Variants in LOXL2 observed in about 807,000 individuals in gnomAD.
LOXL2 encodes lysyl oxidase homolog 2.
A neutral mutation model predicts 93.0 loss-of-function variants in LOXL2; 70 were observed. That is an observed-to-expected ratio of 0.75 (90% CI 0.62 to 0.92). LOXL2 has a LOEUF of 0.92. LOXL2 is among the 40% of genes least tolerant of loss of function. LOXL2 has a pLI of 0.00. For missense variants in LOXL2, 973 were observed against 1,054.9 expected, an observed-to-expected ratio of 0.92 and a Z score of 1.08; for synonymous variants, 438 against 413.2, an observed-to-expected ratio of 1.06 and a Z score of -0.73.
chr8:23,314,665 G>A (rs1803366118), intron 9 of LOXL2, among the ~76,000 whole-genome samples: 1 of 151,614 alleles, frequency 6.6e-6, no homozygotes, highest in Non-Finnish European at 1.5e-5. Context: ...AGAGGGGAGG[G>A]ATAGCACTGG....
At chr8:23,309,045 C>T (rs930320444) in intron 10 of LOXL2, among the ~76,000 whole-genome samples, 1 of 149,572 alleles carries the variant, frequency 6.7e-6, no homozygotes, top group Non-Finnish European at 1.5e-5. Context: ...AGTGTGGTGG[C>T]GTGATCTCAG....
At chr8:23,388,620 T>TACAC (rs1804797420) in intron 1 of LOXL2, among the ~76,000 whole-genome samples, 1 of 70,688 alleles carries the variant, frequency 1.4e-5, no homozygotes, top group African/African-American at 6.0e-5. Flanking sequence ...GCAAAAAATA[T>TACAC]ACTCACACAC....
In LOXL2 at chr8:23,340,993, T is replaced by G; in HGVS notation, c.742A>C (p.Lys248Gln). 6.2e-7 allele frequency: 1 copy of G among 1,613,804 alleles called. No individual in the cohort carries two copies. The highest frequency in any genetic ancestry group is 1.3e-5 in the African/African-American group (1 of 75,032). Residue 248 changes from lysine (K) to glutamine (Q), a missense_variant and splice_region_variant, in exon 4 of 14, where the codon AAA becomes CAA. Coordinates refer to ENST00000389131, the MANE Select transcript of LOXL2 (RefSeq NM_002318.3). ...ACCCCTTTGGTGCAGTCCTCTTACT[T>G]GTACACTTTGGTATTGTATGTCCTC... is the stretch of plus-strand genomic sequence containing the variant. ...GERTYNTKVYKMFASRRKQRY... is the reference protein window; with the variant it reads ...GERTYNTKVYQMFASRRKQRY...
rs1022180303 is a variant in LOXL2, at chr8:23,327,447, C to A, written c.1150+935G>T. 3.3e-5 allele frequency among the ~76,000 whole-genome samples: 5 copies of A among 152,166 alleles called. 1 individual carries two copies. The highest frequency in any genetic ancestry group is 4.1e-4 in the South Asian group (2 of 4,820). On this transcript the variant is annotated intron_variant, in intron 6 of 13. Coordinates refer to ENST00000389131, the MANE Select transcript of LOXL2 (RefSeq NM_002318.3). Reference sequence around the variant, plus strand: ...CCAACATCTGACACTATGGAAATATCCCCTCCCCACTGGACAGGCCACCCC... The same window carrying A: ...CCAACATCTGACACTATGGAAATATACCCTCCCCACTGGACAGGCCACCCC...
At chr8:23,330,064 G>A (rs1450395150) in intron 5 of LOXL2, among the ~76,000 whole-genome samples, 14 of 152,182 alleles carry the variant, frequency 9.2e-5, no homozygotes, top group African/African-American at 3.1e-4. Flanking sequence ...GGTGGCTCAC[G>A]CCTGTAATCC....
intron 2 of LOXL2, among the ~76,000 whole-genome samples, chr8:23,360,824 C>CA (rs1804277021): frequency 6.6e-6 from 1 of 152,150 alleles, no homozygotes; most frequent in Admixed American, 6.5e-5. Flanking sequence ...CCATCCATAG[C>CA]AGAGGCTGAA....
chr8:23,337,557 C>T (rs1803813240), intron 4 of LOXL2: 1 of 152,206 alleles, frequency 6.6e-6, no homozygotes, highest in Non-Finnish European at 1.5e-5. Context: ...CACTGTGGGC[C>T]ACACTTTGGT....
At chr8:23,386,935 C>T (rs1804773911) in intron 1 of LOXL2, among the ~76,000 whole-genome samples, 1 of 152,172 alleles carries the variant, frequency 6.6e-6, no homozygotes, top group Non-Finnish European at 1.5e-5. Flanking sequence ...AGGCATAAGT[C>T]AAGGTGAGAG....
chr8:23,302,282 G>T, intron 11 of LOXL2, 119 bp from the exon 12 acceptor site: 1 of 1,205,396 alleles, frequency 8.3e-7, no homozygotes, highest in Non-Finnish European at 1.2e-6. Context: ...CCACCCCACT[G>T]TGTGGGCTGC....
intron 8 of LOXL2, among the ~76,000 whole-genome samples, chr8:23,317,809 G>A (rs1307391969): frequency 1.3e-5 from 2 of 152,070 alleles, no homozygotes; most frequent in African/African-American, 2.4e-5. Context: ...AGCAGAATTG[G>A]GATCGTCAGG....
chr8:23,322,109 C>A lies in LOXL2; in HGVS notation c.1302+21G>T, dbSNP rs201330878. On this transcript the variant is annotated intron_variant, in intron 7 of 13. Transcript: ENST00000389131. The stretch of plus-strand genomic sequence containing the variant: ...TCTGCAGCCTCAGTTACAGTCCCCT[C>A]TAGGTGTCCAGTCCCATCACCTTCT... The A allele has an allele frequency of 3.6e-4, 584 of 1,612,826 alleles. 1 individual carries two copies. Among genetic ancestry groups the A allele is most frequent in the Middle Eastern group, 2.5e-3 (15 of 6,026 alleles).
rs753154292 is a variant in LOXL2 at position 23,309,733 on chromosome 8, G to T, written c.1815C>A (p.Asn605Lys). Residue 605 changes from asparagine (N) to lysine (K), a missense_variant, in exon 10 of 14, where the codon AAC (asparagine) becomes AAA (lysine). Transcript: ENST00000389131. ...TGGGCCGGAAGTCGGACTGGCCATT[G>T]TTGTGGATCTGGGAGGAGAAGCGCA... ...RLLRFSSQIH[N>K]NGQSDFRPKN... The T allele has an allele frequency of 6.3e-7, 1 of 1,597,468 alleles. No individual in the cohort carries two copies. The highest frequency in any genetic ancestry group is 8.5e-7 in the Non-Finnish European group (1 of 1,172,154).
intron 1 of LOXL2, among the ~76,000 whole-genome samples, chr8:23,403,530 A>G (rs1037395106): frequency 2.0e-5 from 3 of 151,834 alleles, no homozygotes. Flanking sequence ...GAGGGCAGTC[A>G]CTGTCTCCCG....
chr8:23,383,107 A>G (rs1283213297), intron 1 of LOXL2, among the ~76,000 whole-genome samples: 1 of 152,114 alleles, frequency 6.6e-6, no homozygotes, highest in Non-Finnish European at 1.5e-5. Flanking sequence ...GGGCTAGTAG[A>G]GTGGGACCTG....
At chr8:23,377,590 C>T (rs1182759944) in intron 1 of LOXL2, among the ~76,000 whole-genome samples, 2 of 152,028 alleles carry the variant, frequency 1.3e-5, no homozygotes, top group Admixed American at 6.6e-5. Flanking sequence ...CTTTGTAGAT[C>T]TTTAAGGACT....
intron 9 of LOXL2, among the ~76,000 whole-genome samples, chr8:23,315,909 A>T (rs1803387272): frequency 6.6e-6 from 1 of 152,068 alleles, no homozygotes; most frequent in African/African-American, 2.4e-5. Flanking sequence ...TAAATTGATA[A>T]ATAAAGAAAA....
At chr8:23,310,124 G>A (rs1803300156) in intron 9 of LOXL2, among the ~76,000 whole-genome samples, 1 of 152,162 alleles carries the variant, frequency 6.6e-6, no homozygotes, top group Non-Finnish European at 1.5e-5. Flanking sequence ...TCAGTTATCG[G>A]TGCAGATGAG....
intron 13 of LOXL2, 86 bp from the exon 14 acceptor site, chr8:23,298,208 G>A: frequency 1.1e-6 from 1 of 913,810 alleles, no homozygotes; most frequent in Non-Finnish European, 1.8e-6. Context: ...TGGGCCTCAG[G>A]GGCTGCTGGG....
intron 4 of LOXL2, among the ~76,000 whole-genome samples, chr8:23,338,073 C>A (rs1373592558): frequency 1.3e-5 from 2 of 152,206 alleles, no homozygotes; most frequent in Admixed American, 6.5e-5. Context: ...GGAACAAAGG[C>A]ACGTCTTACA....
Sources: gnomAD v4.1 joint callset for allele counts (sites outside exome capture counted in the v4.1 genomes callset) on GRCh38, gnomAD v4.1.1 for gene constraint, MANE v1.5 for transcripts, NCBI Gene and HGNC (gene_info 2026-07-23, HGNC 2026-07-21) for gene names.